PLS1: variants seen among roughly 807,000 people sequenced by gnomAD.
The protein encoded by PLS1 is plastin 1.
PLS1 carries 32 observed loss-of-function variants against 73.7 expected under a neutral mutation model. That is an observed-to-expected ratio of 0.43 (90% CI 0.33 to 0.58). The LOEUF is 0.58. PLS1 is among the 20% of genes least tolerant of loss of function. The pLI, the probability that PLS1 is intolerant of heterozygous loss-of-function variation, is 0.04. For synonymous variants in PLS1, 217 were observed against 261.3 expected, an observed-to-expected ratio of 0.83 and a Z score of 1.63; for missense variants, 633 against 740.5, an observed-to-expected ratio of 0.85 and a Z score of 1.68.
At chr3:142,619,185 C>A (rs2036270912) in intron 1 of PLS1, among the ~76,000 whole-genome samples, 1 of 152,124 alleles carries the variant, frequency 6.6e-6, no homozygotes, top group African/African-American at 2.4e-5. Context: ...AGCAGAGCTG[C>A]CACAACATTT....
chr3:142,673,390 TC>T (rs2037649548), intron 4 of PLS1, among the ~76,000 whole-genome samples: 1 of 152,176 alleles, frequency 6.6e-6, no homozygotes, highest in Non-Finnish European at 1.5e-5. Context: ...ATTTTGTTTA[TC>T]CTTTCATCAG....
At chr3:142,628,350 TGTGCATGCAGTGTGCATGTGTG>T (rs1560037256) in intron 1 of PLS1, among the ~76,000 whole-genome samples, 1 of 30,262 alleles carries the variant, frequency 3.3e-5, no homozygotes, top group African/African-American at 3.4e-4. Flanking sequence ...TGCGCGCACA[TGTGCATGCAGTGTGCATGTGTG>T]CGCGCACATG....
chr3:142,647,503 C>CTTTTTTT (rs375387869), intron 1 of PLS1, among the ~76,000 whole-genome samples: 3 of 141,934 alleles, frequency 2.1e-5, no homozygotes, highest in African/African-American at 2.6e-5. Flanking sequence ...TTTTTCTTTT[C>CTTTTTTT]TTTTTTTTTT....
chr3:142,637,597 A>G (rs982276452), intron 1 of PLS1, among the ~76,000 whole-genome samples: 4 of 152,214 alleles, frequency 2.6e-5, no homozygotes, highest in African/African-American at 9.6e-5. Flanking sequence ...AAGCTTTAAC[A>G]TCATGGGAAA....
At position 142,679,318 on chromosome 3, in the gene PLS1, TTTTGG is replaced by T; in HGVS notation, c.579+1207_579+1211del. ...CAATTTTGTCTTTTGTTGCCATTGC[TTTTGG>T]TGTTTTAGACATGAAGTCCTTGCCC... On this transcript the variant is annotated intron_variant, in intron 6 of 15. Coordinates refer to ENST00000457734, the MANE Select transcript of PLS1 (RefSeq NM_001145319.2). Among the ~76,000 whole-genome samples, 5 of 150,680 alleles carry T rather than the reference TTTTGG, an allele frequency of 3.3e-5. No homozygotes were observed. In the Middle Eastern group the frequency reaches 0.017, roughly 516 times the overall value.
At chr3:142,619,934 A>G (rs144637644) in intron 1 of PLS1, among the ~76,000 whole-genome samples, 364 of 152,278 alleles carry the variant, frequency 2.4e-3, no homozygotes, top group Non-Finnish European at 4.4e-3. Flanking sequence ...TGATGTATAT[A>G]TGCAGAAAAA....
At chr3:142,597,231 C>T (rs1283962180) in intron 1 of PLS1, 17 of 152,122 alleles carry the variant, frequency 1.1e-4, no homozygotes. Flanking sequence ...ATATCTTTCC[C>T]TCCAGCCACG....
chr3:142,650,981 A>G (rs1046664871), intron 1 of PLS1, among the ~76,000 whole-genome samples: 1 of 152,140 alleles, frequency 6.6e-6, no homozygotes, highest in Non-Finnish European at 1.5e-5. Context: ...CTGGCCCCTC[A>G]TCTTTCAGAG....
intron 6 of PLS1, among the ~76,000 whole-genome samples, chr3:142,681,532 C>A (rs1053738321): frequency 1.3e-5 from 2 of 152,182 alleles, no homozygotes; most frequent in African/African-American, 4.8e-5. Flanking sequence ...AATGAGGGAA[C>A]CTGTTAGACA....
Position 142,711,410 on chromosome 3 carries a change from T to C in PLS1, c.1630-91T>C, listed in dbSNP as rs1025439895. 5.7e-6 allele frequency: 5 copies of C among 883,070 alleles called. No homozygotes were observed. In the Admixed American group the frequency reaches 1.2e-4, roughly 20 times the overall value. The allele number at this position is 883,070 out of a possible 1,614,324, so 54.7% of individuals were successfully genotyped here. A position where few individuals can be genotyped will look rare whatever the true frequency, so the allele number is the denominator to read the frequency against. ...AGGTTAAGTACAAAGAATTTGTAGA[T>C]TGCCTTCAGTTATATGATCAGAAGA... On this transcript the variant is annotated intron_variant, in intron 14 of 15. Coordinates refer to ENST00000457734, the MANE Select transcript of PLS1 (RefSeq NM_001145319.2).
chr3:142,694,866 T>C (rs1472746995), intron 11 of PLS1, among the ~76,000 whole-genome samples: 1 of 152,198 alleles, frequency 6.6e-6, no homozygotes, highest in Non-Finnish European at 1.5e-5. Flanking sequence ...GTTATATCAG[T>C]ATTTTTATTA....
chr3:142,655,133 A>G (rs1017834831), intron 1 of PLS1, among the ~76,000 whole-genome samples: 2 of 152,216 alleles, frequency 1.3e-5, no homozygotes, highest in African/African-American at 2.4e-5. Flanking sequence ...CACATAACCA[A>G]GAATAAATTA....
intron 1 of PLS1, among the ~76,000 whole-genome samples, chr3:142,645,086 CAT>C (rs1002607955): frequency 5.3e-5 from 8 of 152,126 alleles, no homozygotes; most frequent in African/African-American, 1.7e-4. Flanking sequence ...AATTATAAAA[CAT>C]AGATTTATTA....
intron 3 of PLS1, among the ~76,000 whole-genome samples, chr3:142,670,776 A>T (rs914462457): frequency 2.6e-5 from 4 of 152,218 alleles, no homozygotes; most frequent in African/African-American, 9.6e-5. Context: ...ATTTAAGCTT[A>T]GTTATAAAAA....
chr3:142,667,864 A>G (rs2037512488), intron 2 of PLS1, among the ~76,000 whole-genome samples: 2 of 152,258 alleles, frequency 1.3e-5, no homozygotes, highest in Non-Finnish European at 2.9e-5. Context: ...CTCTAAATTC[A>G]AAGAAAGCAA....
At chr3:142,614,440 G>C (rs2036178453) in intron 1 of PLS1, among the ~76,000 whole-genome samples, 3 of 152,194 alleles carry the variant, frequency 2.0e-5, no homozygotes, top group Non-Finnish European at 4.4e-5. Context: ...AGGTTCACAT[G>C]TTATCTAGAG....
intron 1 of PLS1, among the ~76,000 whole-genome samples, chr3:142,632,182 A>G (rs2036579559): frequency 1.3e-5 from 2 of 152,152 alleles, no homozygotes; most frequent in South Asian, 4.1e-4. Flanking sequence ...ACTTTATGAT[A>G]ATGCAAAAAT....
chr3:142,688,032 C>G (rs1314653804), intron 9 of PLS1, among the ~76,000 whole-genome samples: 1 of 151,650 alleles, frequency 6.6e-6, no homozygotes, highest in Non-Finnish European at 1.5e-5. Context: ...ATGGCAACCT[C>G]CGCCTCCTGG....
chr3:142,703,653 C>T (rs1447658276), intron 12 of PLS1, among the ~76,000 whole-genome samples: 2 of 152,094 alleles, frequency 1.3e-5, no homozygotes, highest in Non-Finnish European at 2.9e-5. Flanking sequence ...GCCAGTTGTT[C>T]CTCTATCTAG....
Sources: gnomAD v4.1 joint callset for allele counts (sites outside exome capture counted in the v4.1 genomes callset) on GRCh38, gnomAD v4.1.1 for gene constraint, MANE v1.5 for transcripts, NCBI Gene and HGNC (gene_info 2026-07-23, HGNC 2026-07-21) for gene names.